Variants in TBC1D2B observed in about 807,000 individuals in gnomAD.
TBC1D2B encodes the protein TBC1 domain family, member 2B.
A neutral mutation model predicts 100.8 loss-of-function variants in TBC1D2B; 64 were observed. The ratio of observed to expected loss-of-function variants is 0.64; its 90% confidence interval spans 0.52 to 0.78. TBC1D2B has a LOEUF of 0.78. Among genes scored for constraint, TBC1D2B ranks in the 30% least tolerant of loss-of-function variants. The probability of loss-of-function intolerance (pLI) is 0.00; values close to 1 mark genes in which losing one functional copy is unlikely to be tolerated. For missense variants in TBC1D2B, 1,052 were observed against 1,218.4 expected (o/e 0.86, Z 2.03); for synonymous variants, 480 against 479.7 (o/e 1.00, Z -0.01).
intron 3 of TBC1D2B, among the ~76,000 whole-genome samples, chr15:78,037,985 G>A (rs567100026): frequency 2.6e-5 from 4 of 152,326 alleles, no homozygotes; most frequent in African/African-American, 9.6e-5. Context: ...GAGAGGAACT[G>A]TCGTCCTGCT....
chr15:78,075,445 G>A (rs556390275), intron 1 of TBC1D2B, among the ~76,000 whole-genome samples: 9 of 152,200 alleles, frequency 5.9e-5, no homozygotes, highest in East Asian at 3.9e-4. Flanking sequence ...TGATCCACCC[G>A]TCTCGGCCTC....
intron 2 of TBC1D2B, among the ~76,000 whole-genome samples, chr15:78,051,781 A>G (rs1225909679): frequency 6.6e-6 from 1 of 152,266 alleles, no homozygotes; most frequent in African/African-American, 2.4e-5. Context: ...GCACTGCCAT[A>G]TAACACATCA....
At chr15:77,998,415 C>T in intron 12 of TBC1D2B, 60 bp from the exon 13 acceptor site, 1 of 1,454,548 alleles carries the variant, frequency 6.9e-7, no homozygotes. Flanking sequence ...TGCTCACACA[C>T]AGCCCTCACA....
intron 2 of TBC1D2B, 108 bp from the exon 3 acceptor site, chr15:78,045,176 A>AC: frequency 1.0e-6 from 1 of 989,656 alleles, no homozygotes; most frequent in Non-Finnish European, 1.4e-6. Context: ...TAAACTATGT[A>AC]ATAGTATATT....
At chr15:77,999,191 C>T (rs1194337048) in intron 12 of TBC1D2B, 1 of 430,244 alleles carries the variant, frequency 2.3e-6, no homozygotes, top group Non-Finnish European at 4.8e-6. Context: ...GGCTCATGCG[C>T]TTCCCTGTCA....
chr15:78,001,485 A>G (rs1478009222), intron 12 of TBC1D2B, 134 bp downstream of exon 12: 1 of 1,120,126 alleles, frequency 8.9e-7, no homozygotes, highest in Admixed American at 3.6e-5. Flanking sequence ...TTTTCCCTGG[A>G]AAGCAATGCC....
In TBC1D2B at chr15:78,012,934, T is replaced by C. The variant is rs199722270; in HGVS notation, c.2159A>G (p.Asn720Ser). ...GGTGGGGCAGGAGTAATGTTTGTTG[T>C]TGGGCAGAGTTCGCAGCAAGTCCAG... is the stretch of plus-strand genomic sequence containing the variant. ...IELDLLRTLP[N>S]NKHYSCPTSE... Residue 720 changes from asparagine (N) to serine (S), a missense_variant, in exon 9 of 13, where the codon AAC becomes AGC. Coordinates refer to ENST00000300584, the MANE Select transcript of TBC1D2B (RefSeq NM_144572.2). 1.1e-5 allele frequency: 17 copies of C among 1,554,946 alleles called. No homozygotes were observed. The highest frequency in any genetic ancestry group is 4.5e-5 in the East Asian group (2 of 44,200).
intron 2 of TBC1D2B, 44 bp downstream of exon 2, chr15:78,053,990 C>G: frequency 1.3e-6 from 2 of 1,574,588 alleles, no homozygotes; most frequent in South Asian, 2.3e-5. Flanking sequence ...TATCGAATGG[C>G]TTACACAAAG....
intron 10 of TBC1D2B, among the ~76,000 whole-genome samples, chr15:78,007,182 C>T (rs2072090093): frequency 1.3e-5 from 2 of 152,364 alleles, no homozygotes; most frequent in Admixed American, 6.5e-5. Context: ...AGAACACACG[C>T]CCCATCAGCG....
intron 1 of TBC1D2B, among the ~76,000 whole-genome samples, chr15:78,066,348 C>T (rs527289539): frequency 7.2e-5 from 11 of 152,266 alleles, no homozygotes; most frequent in African/African-American, 2.4e-4. Flanking sequence ...ATTTCTAGTC[C>T]ACTTAGAAAG....
rs941648842 is a variant in TBC1D2B at position 78,001,704 on chromosome 15, T to C, written c.2611A>G (p.Lys871Glu). The C allele has an allele frequency of 4.3e-5, 69 of 1,608,602 alleles. No homozygotes were observed. The highest frequency in any genetic ancestry group is 5.6e-5 in the Non-Finnish European group (66 of 1,177,490). Residue 871 changes from lysine (K) to glutamate (E), a missense_variant, in exon 12 of 13, where the codon AAG becomes GAG. Physicochemically the swap from Lys to Glu is moderately conservative, Grantham distance 56. Coordinates refer to ENST00000300584, the MANE Select transcript of TBC1D2B (RefSeq NM_144572.2). Reference protein sequence around the residue: ...FRFALALFKYKEEEILKLQDS... With the variant: ...FRFALALFKYEEEEILKLQDS... ...TGCAATTTCAAAATCTCCTCTTCCT[T>C]GTACTTAAAAAGTGCCAGAGCAAAA...
At chr15:78,048,660 T>C (rs2073249692) in intron 2 of TBC1D2B, among the ~76,000 whole-genome samples, 1 of 152,106 alleles carries the variant, frequency 6.6e-6, no homozygotes, top group South Asian at 2.1e-4. Flanking sequence ...CTAAATCCAG[T>C]GTGAACCCGG....
intron 3 of TBC1D2B, among the ~76,000 whole-genome samples, chr15:78,037,670 C>T (rs2072979546): frequency 1.3e-5 from 2 of 152,228 alleles, no homozygotes; most frequent in Admixed American, 6.5e-5. Context: ...GCCAGGCAGT[C>T]CTGCAGAACG....
intron 4 of TBC1D2B, 61 bp from the exon 5 acceptor site, chr15:78,025,558 G>C: frequency 7.7e-7 from 1 of 1,297,250 alleles, no homozygotes; most frequent in Non-Finnish European, 1.0e-6. Context: ...ACGGAGTGTC[G>C]GTCTGTCGCC....
chr15:78,018,772 T>G (rs1159089840), intron 6 of TBC1D2B, among the ~76,000 whole-genome samples: 1 of 152,192 alleles, frequency 6.6e-6, no homozygotes, highest in Non-Finnish European at 1.5e-5. Flanking sequence ...GTGAAGTGTT[T>G]TCATGTAAAA....
intron 8 of TBC1D2B, among the ~76,000 whole-genome samples, chr15:78,013,809 T>G (rs1799073292): frequency 6.6e-6 from 1 of 152,214 alleles, no homozygotes; most frequent in South Asian, 2.1e-4. Flanking sequence ...TGTGGCTGTT[T>G]TACATTACAT....
chr15:78,024,075 A>G, intron 6 of TBC1D2B, 81 bp downstream of exon 6: 1 of 1,490,840 alleles, frequency 6.7e-7, no homozygotes, highest in Non-Finnish European at 8.9e-7. Flanking sequence ...GTCACACCAA[A>G]TCAGCTCACG....
intron 10 of TBC1D2B, among the ~76,000 whole-genome samples, chr15:78,005,507 TG>T (rs2072042305): frequency 6.6e-6 from 1 of 152,186 alleles, no homozygotes; most frequent in African/African-American, 2.4e-5. Flanking sequence ...CCTTACGCAA[TG>T]GCCATCGATA....
chr15:78,016,761 C>A, intron 7 of TBC1D2B, 22 bp from the exon 8 acceptor site: 4 of 1,495,746 alleles, frequency 2.7e-6, no homozygotes, highest in Non-Finnish European at 3.6e-6. Flanking sequence ...GTGGTGGTTA[C>A]CTCCATTCAG....
Sources: allele counts gnomAD v4.1 joint callset (sites outside exome capture counted in the v4.1 genomes callset), GRCh38; gene constraint gnomAD v4.1.1; transcripts MANE v1.5; gene names NCBI Gene and HGNC (gene_info 2026-07-23, HGNC 2026-07-21).